FAM107B: variants seen among roughly 807,000 people sequenced by gnomAD.
The protein encoded by FAM107B is protein FAM107B.
In FAM107B, 21 loss-of-function variants were observed where a neutral mutation model predicts 31.5. That is an observed-to-expected ratio of 0.67 (90% CI 0.47 to 0.96). The LOEUF is 0.96. Ranked by LOEUF, FAM107B falls within the 40% of genes least tolerant of loss-of-function variation. FAM107B has a pLI of 0.00. For synonymous variants in FAM107B, 157 were observed against 141.5 expected (o/e 1.11, Z -0.78); for missense variants, 452 against 377.1 (o/e 1.20, Z -1.64).
At chr10:14,670,044 A>G (rs1354322179) in intron 1 of FAM107B, among the ~76,000 whole-genome samples, 1 of 152,232 alleles carries the variant, frequency 6.6e-6, no homozygotes, top group Non-Finnish European at 1.5e-5. Flanking sequence ...TACCCCATGA[A>G]TATGTAAATA....
chr10:14,673,115 T>A (rs1269420347), intron 1 of FAM107B, among the ~76,000 whole-genome samples: 2 of 152,222 alleles, frequency 1.3e-5, no homozygotes, highest in Admixed American at 1.3e-4. Context: ...ACCTCAAACA[T>A]CCATCATTTC....
chr10:14,747,837 C>T (rs929177698), intron 1 of FAM107B, among the ~76,000 whole-genome samples: 6 of 152,222 alleles, frequency 3.9e-5, no homozygotes, highest in Non-Finnish European at 7.3e-5. Context: ...GGAGGGGGTG[C>T]ACTGTACCCC....
intron 1 of FAM107B, among the ~76,000 whole-genome samples, chr10:14,706,155 C>T (rs1456115747): frequency 6.6e-6 from 1 of 152,208 alleles, no homozygotes; most frequent in Non-Finnish European, 1.5e-5. Flanking sequence ...CTCATGGAGG[C>T]TGTGCACAAA....
intron 2 of FAM107B, among the ~76,000 whole-genome samples, chr10:14,641,265 A>G (rs1451018132): frequency 2.0e-5 from 3 of 152,224 alleles, no homozygotes; most frequent in Admixed American, 1.3e-4. Flanking sequence ...ATTTTGACAG[A>G]TAAATGGATA....
At chr10:14,719,799 G>A (rs918492911) in intron 1 of FAM107B, among the ~76,000 whole-genome samples, 17 of 152,100 alleles carry the variant, frequency 1.1e-4, no homozygotes, top group African/African-American at 3.9e-4. Flanking sequence ...TCTGTCTTCC[G>A]TCCCTCTCAT....
intron 1 of FAM107B, among the ~76,000 whole-genome samples, chr10:14,748,897 C>A (rs1832776032): frequency 6.6e-6 from 1 of 152,252 alleles, no homozygotes; most frequent in African/African-American, 2.4e-5. Flanking sequence ...AAGGCCTGAG[C>A]AACCCCCAGA....
rs116331169 is a variant in FAM107B at position 14,773,894 on chromosome 10, A to G, written c.411+359T>C. Among the ~76,000 whole-genome samples, 186 of 152,174 alleles carry G rather than the reference A, an allele frequency of 1.2e-3. 1 individual carries two copies. Among genetic ancestry groups the G allele is most frequent in the African/African-American group, 4.1e-3 (169 of 41,494 alleles). On this transcript the variant is annotated intron_variant, in intron 1 of 4. Coordinates refer to ENST00000181796, the MANE Select transcript of FAM107B (RefSeq NM_031453.4). Reference sequence around the variant, plus strand: ...GATTTTCATATAAATAAATTGACAGACCGGTGGGGGTGGAGGGGGAAATAG... The same window carrying G: ...GATTTTCATATAAATAAATTGACAGGCCGGTGGGGGTGGAGGGGGAAATAG...
intron 2 of FAM107B, among the ~76,000 whole-genome samples, chr10:14,627,918 T>C (rs1853206411): frequency 6.6e-6 from 1 of 151,786 alleles, no homozygotes; most frequent in Admixed American, 6.6e-5. Flanking sequence ...GAAGATATAA[T>C]TGAGAGTAAC....
chr10:14,552,114 T>C (rs1849317168), intron 2 of FAM107B, among the ~76,000 whole-genome samples: 1 of 152,216 alleles, frequency 6.6e-6, no homozygotes, highest in Admixed American at 6.5e-5. Flanking sequence ...ACGGTCTGTG[T>C]GATCACATCT....
At chr10:14,564,005 C>G (rs183279910) in intron 2 of FAM107B, among the ~76,000 whole-genome samples, 41 of 151,840 alleles carry the variant, frequency 2.7e-4, no homozygotes, top group African/African-American at 9.7e-4. Flanking sequence ...TTATAAATGG[C>G]CTTTTTATTA....
chr10:14,728,393 A>AG, intron 1 of FAM107B, among the ~76,000 whole-genome samples: 1 of 151,454 alleles, frequency 6.6e-6, no homozygotes, highest in Non-Finnish European at 1.5e-5. Flanking sequence ...ACTATTTTTG[A>AG]AAATAAAGCC....
At chr10:14,677,576 G>A (rs1295795956) in intron 1 of FAM107B, among the ~76,000 whole-genome samples, 1 of 152,024 alleles carries the variant, frequency 6.6e-6, no homozygotes, top group Non-Finnish European at 1.5e-5. Context: ...AGCAGAGATG[G>A]CGCCACTGCA....
chr10:14,534,996 A>C (rs1193959262), intron 2 of FAM107B: 3 of 152,200 alleles, frequency 2.0e-5, no homozygotes, highest in African/African-American at 7.2e-5. Flanking sequence ...GGCCAGGTAC[A>C]TTTCCTCTCT....
rs765312731 is a variant in FAM107B, at chr10:14,521,178, T to C, written c.*12A>G. 6.2e-7 allele frequency: 1 copy of C among 1,609,430 alleles called. No homozygotes were observed. Among genetic ancestry groups the C allele is most frequent in the Admixed American group, 1.7e-5 (1 of 59,934 alleles). On this transcript the variant is annotated 3_prime_UTR_variant, in exon 5 of 5. Coordinates refer to ENST00000181796, the MANE Select transcript of FAM107B (RefSeq NM_031453.4). ...TGTGGGGTGACACACGAGGTCTTGG[T>C]GCAGCCTCAGCCTAGGACTCCTGGG...
At chr10:14,771,860 C>T (rs974041446) in intron 1 of FAM107B, among the ~76,000 whole-genome samples, 10 of 151,768 alleles carry the variant, frequency 6.6e-5, no homozygotes, top group African/African-American at 2.4e-4. Context: ...AGCGAGATCA[C>T]ATATGAATAG....
rs545572081 is a variant in FAM107B, at chr10:14,730,349, G to C, written c.411+43904C>G. Among the ~76,000 whole-genome samples, 33 of 152,316 alleles carry C rather than the reference G, an allele frequency of 2.2e-4. No homozygotes were observed. The South Asian group carries it at 6.6e-3, about 31-fold the overall frequency. ...GACGAGAACCACTGAACTATGGTGA[G>C]GGTGCCCTGACCCGACTCTTGCCCA... On this transcript the variant is annotated intron_variant, in intron 1 of 4. Transcript: ENST00000181796.
chr10:14,694,195 T>C (rs2688840), intron 1 of FAM107B, among the ~76,000 whole-genome samples: 7,334 of 152,280 alleles, frequency 0.048, 613 homozygotes, highest in African/African-American at 0.17. Context: ...AAAGATATCT[T>C]TATGAGGTGG....
chr10:14,687,633 C>CG (rs998234742), intron 1 of FAM107B, among the ~76,000 whole-genome samples: 2 of 38,742 alleles, frequency 5.2e-5, no homozygotes, highest in East Asian at 6.5e-4. Flanking sequence ...ACCAGTGTTG[C>CG]GGGGGGTGGG....
chr10:14,569,361 ATGTTG>A (rs915175837), intron 2 of FAM107B, among the ~76,000 whole-genome samples: 38 of 152,276 alleles, frequency 2.5e-4, no homozygotes, highest in African/African-American at 8.9e-4. Context: ...GGGAGGGTAC[ATGTTG>A]TGTTGTGGTG....
Sources: allele counts gnomAD v4.1 joint callset (sites outside exome capture counted in the v4.1 genomes callset), GRCh38; gene constraint gnomAD v4.1.1; transcripts MANE v1.5; gene names NCBI Gene and HGNC (gene_info 2026-07-23, HGNC 2026-07-21).